The following MSRA variants were observed in gnomAD, a reference collection of about 807,000 sequenced individuals.
The protein encoded by MSRA is mitochondrial peptide methionine sulfoxide reductase.
MSRA carries 54 observed loss-of-function variants against 31.3 expected under a neutral mutation model. The observed-to-expected ratio is 1.73, with a 90% confidence interval of 1.39 to 2.17. The LOEUF (loss-of-function observed/expected upper bound fraction) is 2.17. Among genes scored for constraint, MSRA ranks in the 30% most tolerant of loss-of-function variants. MSRA has a pLI of 0.00. For missense variants in MSRA, 507 were observed against 300.9 expected (o/e 1.69, Z -5.07); for synonymous variants, 169 against 116.5 (o/e 1.45, Z -2.90).
At chr8:10,271,218 A>G (rs958018245) in intron 3 of MSRA, among the ~76,000 whole-genome samples, 1 of 152,230 alleles carries the variant, frequency 6.6e-6, no homozygotes, top group African/African-American at 2.4e-5. Flanking sequence ...CAGATGGCAT[A>G]TAGCATCCAG....
At chr8:10,348,404 C>T (rs1033908978) in intron 5 of MSRA, among the ~76,000 whole-genome samples, 4 of 82,452 alleles carry the variant, frequency 4.9e-5, no homozygotes, top group Non-Finnish European at 7.3e-5. Context: ...TGCTCTTGCT[C>T]TGTCGCCCAG....
chr8:10,285,994 A>T (rs189489719), intron 3 of MSRA, among the ~76,000 whole-genome samples: 71 of 152,230 alleles, frequency 4.7e-4, no homozygotes, highest in Non-Finnish European at 9.3e-4. Flanking sequence ...GGGTAAGGGT[A>T]CCCCTCAGCT....
intron 3 of MSRA, among the ~76,000 whole-genome samples, chr8:10,285,933 A>C (rs1236391518): frequency 6.6e-6 from 1 of 152,088 alleles, no homozygotes; most frequent in Admixed American, 6.6e-5. Context: ...TTCTAATTAG[A>C]AGATAAAGTG....
Position 10,177,985 on chromosome 8 carries a change from C to G in MSRA, c.143-29848C>G, listed in dbSNP as rs144892621. On this transcript the variant is annotated intron_variant, in intron 1 of 5. Coordinates refer to ENST00000317173, the MANE Select transcript of MSRA (RefSeq NM_012331.5). ...TGAACCAGGTCAAGAACCTGTTCAT[C>G]TCACTGTGGGGTTTATATCCTCCTT... Among the ~76,000 whole-genome samples the G allele has an allele frequency of 2.1e-3, 316 of 152,330 alleles. 1 individual carries two copies. Among genetic ancestry groups the G allele is most frequent in the African/African-American group, 7.4e-3 (307 of 41,566 alleles).
intron 1 of MSRA, among the ~76,000 whole-genome samples, chr8:10,189,229 T>C (rs1469311647): frequency 1.3e-5 from 2 of 152,226 alleles, no homozygotes; most frequent in African/African-American, 4.8e-5. Flanking sequence ...GTGAGCTTGG[T>C]AAACTTTTTA....
chr8:10,095,601 A>G (rs983207355), intron 1 of MSRA: 2 of 986,880 alleles, frequency 2.0e-6, no homozygotes, highest in African/African-American at 3.5e-5. Flanking sequence ...AGAGCTGAGG[A>G]AAGAAAAAAA....
intron 1 of MSRA, among the ~76,000 whole-genome samples, chr8:10,094,431 T>G (rs1799016692): frequency 6.6e-6 from 1 of 152,228 alleles, no homozygotes; most frequent in Non-Finnish European, 1.5e-5. Context: ...CAAACTTAAC[T>G]AATTACTATG....
intron 3 of MSRA, among the ~76,000 whole-genome samples, chr8:10,261,682 G>A (rs963158853): frequency 6.6e-6 from 1 of 152,116 alleles, no homozygotes; most frequent in Non-Finnish European, 1.5e-5. Context: ...TAGTACATTT[G>A]TTATCACTGA....
intron 1 of MSRA, among the ~76,000 whole-genome samples, chr8:10,147,942 T>A (rs574841980): frequency 6.6e-6 from 1 of 152,122 alleles, no homozygotes; most frequent in Non-Finnish European, 1.5e-5. Flanking sequence ...AAAACGACTT[T>A]AGAGGGACCG....
At chr8:10,143,882 T>C (rs1802915406) in intron 1 of MSRA, among the ~76,000 whole-genome samples, 1 of 152,218 alleles carries the variant, frequency 6.6e-6, no homozygotes, top group Admixed American at 6.5e-5. Context: ...ACTTTTTCTT[T>C]CTTTCTCATC....
At chr8:10,325,093 G>T in intron 5 of MSRA, among the ~76,000 whole-genome samples, 1 of 152,180 alleles carries the variant, frequency 6.6e-6, no homozygotes, top group Non-Finnish European at 1.5e-5. Flanking sequence ...GGGATCTAAA[G>T]TGATGCATTA....
intron 1 of MSRA, among the ~76,000 whole-genome samples, chr8:10,117,337 G>A (rs1242386007): frequency 2.0e-5 from 3 of 152,120 alleles, no homozygotes; most frequent in African/African-American, 7.2e-5. Flanking sequence ...TCCTAGAAGG[G>A]GCAACAAACA....
At chr8:10,242,029 T>G (rs1314169735) in intron 2 of MSRA, among the ~76,000 whole-genome samples, 2 of 152,090 alleles carry the variant, frequency 1.3e-5, no homozygotes, top group African/African-American at 4.8e-5. Flanking sequence ...CCCAGCACTT[T>G]GGGAGGCGGA....
At chr8:10,239,461 G>A (rs913998216) in intron 2 of MSRA, among the ~76,000 whole-genome samples, 20 of 152,108 alleles carry the variant, frequency 1.3e-4, no homozygotes, top group African/African-American at 4.1e-4. Context: ...CCCCTGGCTC[G>A]AAATATGATT....
At chr8:10,301,688 G>C (rs1404508037) in intron 4 of MSRA, 50 bp downstream of exon 4, 9 of 1,438,360 alleles carry the variant, frequency 6.3e-6, no homozygotes, top group African/African-American at 1.4e-5. Context: ...ATTACAGCTG[G>C]GATAATTAGT....
chr8:10,424,297 G>A (rs1300096032), intron 5 of MSRA, among the ~76,000 whole-genome samples: 1 of 152,254 alleles, frequency 6.6e-6, no homozygotes, highest in East Asian at 1.9e-4. Flanking sequence ...TGAAAAGGTA[G>A]AAGATGGTGA....
At chr8:10,146,533 A>G (rs1326296378) in intron 1 of MSRA, among the ~76,000 whole-genome samples, 1 of 152,102 alleles carries the variant, frequency 6.6e-6, no homozygotes, top group East Asian at 1.9e-4. Context: ...GGTTTCGAGG[A>G]AACTAGGAGT....
chr8:10,189,914 G>A (rs76459903), intron 1 of MSRA, among the ~76,000 whole-genome samples: 9 of 152,054 alleles, frequency 5.9e-5, no homozygotes, highest in African/African-American at 2.2e-4. Flanking sequence ...TTGCTTGAAT[G>A]TATCTAGAGT....
At chr8:10,265,843 ATTT>A (rs1215748905) in intron 3 of MSRA, among the ~76,000 whole-genome samples, 1 of 151,856 alleles carries the variant, frequency 6.6e-6, no homozygotes, top group Non-Finnish European at 1.5e-5. Flanking sequence ...ATTTTGTAGA[ATTT>A]TTTTCTGGAA....
Sources: allele counts gnomAD v4.1 joint callset (sites outside exome capture counted in the v4.1 genomes callset), GRCh38; gene constraint gnomAD v4.1.1; transcripts MANE v1.5; gene names NCBI Gene and HGNC (gene_info 2026-07-23, HGNC 2026-07-21).